The following CCSER1 variants were observed in gnomAD, a reference collection of about 807,000 sequenced individuals.
CCSER1 encodes serine-rich coiled-coil domain-containing protein 1.
Under a neutral mutation model 82.0 loss-of-function variants are expected in CCSER1, and 41 were observed. The observed-to-expected ratio is 0.50, with a 90% CI of 0.39 to 0.65. CCSER1 has a LOEUF of 0.65. Among genes scored for constraint, CCSER1 ranks in the 30% least tolerant of loss-of-function variants. The probability of loss-of-function intolerance (pLI) is 0.00; values close to 1 mark genes in which losing one functional copy is unlikely to be tolerated. For synonymous variants in CCSER1, 414 were observed against 383.9 expected, an observed-to-expected ratio of 1.08 and a Z score of -0.92; for missense variants, 1,119 against 1,064.2, an observed-to-expected ratio of 1.05 and a Z score of -0.72.
intron 3 of CCSER1, among the ~76,000 whole-genome samples, chr4:90,360,602 A>AT (rs1745219426): frequency 7.0e-6 from 1 of 143,552 alleles, no homozygotes; most frequent in Admixed American, 7.0e-5. Flanking sequence ...AAAAAAAAAA[A>AT]GCTTCCACAT....
intron 9 of CCSER1, among the ~76,000 whole-genome samples, chr4:90,994,942 G>T (rs1737361142): frequency 6.6e-6 from 1 of 152,134 alleles, no homozygotes; most frequent in Non-Finnish European, 1.5e-5. Context: ...TCTAAATGCA[G>T]TTATTATCAA....
intron 10 of CCSER1, among the ~76,000 whole-genome samples, chr4:91,121,038 A>C (rs1727041523): frequency 6.6e-6 from 1 of 151,926 alleles, no homozygotes; most frequent in African/African-American, 2.4e-5. Flanking sequence ...GTTTAATAAA[A>C]AACATTTTGA....
In CCSER1 at chr4:91,014,543, C is replaced by A. The variant is rs559400561; in HGVS notation, c.2173-71407C>A. 6.5e-4 allele frequency among the ~76,000 whole-genome samples: 87 copies of A among 134,338 alleles called. 23 individuals carry two copies. The highest frequency in any genetic ancestry group is 1.2e-3 in the Non-Finnish European group (68 of 57,700). 88.1% of individuals were successfully genotyped at this position (134,338 alleles called of 152,430 possible). A position where few individuals can be genotyped will look rare whatever the true frequency, so the allele number is the denominator to read the frequency against. ...ACATTGTTTTATTACCTAATGAATT[C>A]TTCTAGGAACTAACCAGCTAATCCT... On this transcript the variant is annotated intron_variant, in intron 9 of 10. Transcript: ENST00000509176.
intron 10 of CCSER1, among the ~76,000 whole-genome samples, chr4:91,571,661 A>G (rs1460689896): frequency 1.3e-5 from 2 of 152,138 alleles, no homozygotes; most frequent in Admixed American, 6.5e-5. Context: ...CTGGGTCCCT[A>G]TGACATGTGG....
chr4:90,266,346 T>G (rs1273799834), intron 1 of CCSER1, among the ~76,000 whole-genome samples: 19 of 152,168 alleles, frequency 1.2e-4, no homozygotes, highest in Admixed American at 1.2e-3. Context: ...TTCTCTGTAT[T>G]GTATGTAAAT....
chr4:91,416,819 A>G (rs1374981233), intron 10 of CCSER1, among the ~76,000 whole-genome samples: 1 of 152,234 alleles, frequency 6.6e-6, no homozygotes, highest in African/African-American at 2.4e-5. Flanking sequence ...GGAACATGTC[A>G]AAAGGAATTG....
chr4:90,170,279 A>G (rs1349156805), intron 1 of CCSER1, among the ~76,000 whole-genome samples: 1 of 152,012 alleles, frequency 6.6e-6, no homozygotes, highest in South Asian at 2.1e-4. Flanking sequence ...GTACTTGGGC[A>G]TCCAAACAGA....
intron 10 of CCSER1, among the ~76,000 whole-genome samples, chr4:91,404,485 G>C (rs967838623): frequency 2.6e-5 from 4 of 152,208 alleles, no homozygotes; most frequent in Admixed American, 6.5e-5. Flanking sequence ...TAATTGTGAT[G>C]TTAGGGTGTC....
At chr4:90,425,282 A>G (rs1023277142) in intron 4 of CCSER1, among the ~76,000 whole-genome samples, 18 of 152,184 alleles carry the variant, frequency 1.2e-4, no homozygotes, top group African/African-American at 4.1e-4. Flanking sequence ...TGCAGGTAAG[A>G]GCACAGCAGT....
chr4:90,480,230 T>C (rs1765728063), intron 5 of CCSER1, among the ~76,000 whole-genome samples: 1 of 152,194 alleles, frequency 6.6e-6, no homozygotes, highest in African/African-American at 2.4e-5. Context: ...GGTTGTTTGT[T>C]TTTTTCTTGT....
intron 10 of CCSER1, among the ~76,000 whole-genome samples, chr4:91,134,085 C>T (rs996863799): frequency 4.6e-5 from 7 of 152,024 alleles, no homozygotes; most frequent in African/African-American, 1.7e-4. Context: ...GGTGACAGAG[C>T]AAGATTCTGT....
At chr4:90,688,178 T>C (rs1735165472) in intron 6 of CCSER1, among the ~76,000 whole-genome samples, 1 of 152,146 alleles carries the variant, frequency 6.6e-6, no homozygotes, top group Non-Finnish European at 1.5e-5. Flanking sequence ...GTATACTTCA[T>C]TAGGGAATGA....
rs906211582 is a variant in CCSER1, at chr4:90,292,071, G to A, written c.-41-16173G>A. Among the ~76,000 whole-genome samples the A allele has an allele frequency of 2.6e-5, 4 of 152,006 alleles. No homozygotes were observed. In the South Asian group the frequency reaches 6.2e-4, roughly 24 times the overall value. On this transcript the variant is annotated intron_variant, in intron 1 of 10. Coordinates refer to ENST00000509176, the MANE Select transcript of CCSER1 (RefSeq NM_001145065.2). ...CCCATTGATTACATTAGCAATTAAA[G>A]TAAAAGAGGAAGGCAAACTTGTCAT...
chr4:91,507,711 A>G (rs1424249020), intron 10 of CCSER1, among the ~76,000 whole-genome samples: 2 of 151,650 alleles, frequency 1.3e-5, no homozygotes, highest in Non-Finnish European at 2.9e-5. Flanking sequence ...AGGTAGTCAC[A>G]CTTTCTTGAT....
At chr4:90,212,501 A>G (rs1176277817) in intron 1 of CCSER1, among the ~76,000 whole-genome samples, 2 of 152,156 alleles carry the variant, frequency 1.3e-5, no homozygotes, top group African/African-American at 4.8e-5. Context: ...AGTTAAATAC[A>G]TTTGAAGGAT....
intron 5 of CCSER1, among the ~76,000 whole-genome samples, chr4:90,614,976 C>T (rs1255772184): frequency 6.6e-6 from 1 of 152,150 alleles, no homozygotes; most frequent in Non-Finnish European, 1.5e-5. Context: ...ACTAAAGCAG[C>T]TCTTGACTTT....
intron 9 of CCSER1, among the ~76,000 whole-genome samples, chr4:91,042,359 A>C (rs145777062): frequency 2.6e-5 from 4 of 152,256 alleles, no homozygotes; most frequent in African/African-American, 9.6e-5. Context: ...AGGCCTCCCC[A>C]GCCATTCGGA....
At chr4:90,978,634 G>T (rs545079713) in intron 9 of CCSER1, among the ~76,000 whole-genome samples, 1 of 151,864 alleles carries the variant, frequency 6.6e-6, no homozygotes, top group East Asian at 1.9e-4. Flanking sequence ...ATCAGAGTGA[G>T]ATTGAAATTG....
At chr4:90,469,066 G>A (rs1764009837) in intron 5 of CCSER1, among the ~76,000 whole-genome samples, 1 of 152,002 alleles carries the variant, frequency 6.6e-6, no homozygotes, top group South Asian at 2.1e-4. Flanking sequence ...CCTCCTTTAA[G>A]GTTTCTGGTT....
Sources: gnomAD v4.1 joint callset for allele counts (sites outside exome capture counted in the v4.1 genomes callset) on GRCh38, gnomAD v4.1.1 for gene constraint, MANE v1.5 for transcripts, NCBI Gene and HGNC (gene_info 2026-07-23, HGNC 2026-07-21) for gene names.